Variants in NLN observed in about 807,000 individuals in gnomAD.
NLN encodes neurolysin, mitochondrial.
Under a neutral mutation model 79.9 loss-of-function variants are expected in NLN, and 64 were observed. That is an observed-to-expected ratio of 0.80 (90% CI 0.65 to 0.99). The LOEUF (loss-of-function observed/expected upper bound fraction) is 0.99. Ranked by LOEUF, NLN falls within the 50% of genes least tolerant of loss-of-function variation. NLN has a pLI of 0.00. For missense variants in NLN, 835 were observed against 858.7 expected, an observed-to-expected ratio of 0.97 and a Z score of 0.34; for synonymous variants, 267 against 296.6, an observed-to-expected ratio of 0.90 and a Z score of 1.02.
Position 65,781,291 on chromosome 5 carries a change from T to G in NLN, c.692T>G (p.Leu231Ter). 1 of 1,609,284 alleles carries G rather than the reference T, an allele frequency of 6.2e-7. No individual in the cohort carries two copies. Among genetic ancestry groups the G allele is most frequent in the Non-Finnish European group, 8.5e-7 (1 of 1,176,894 alleles). Residue 231 changes from leucine (L) to a stop codon, truncating the protein, a stop_gained, in exon 6 of 13, where the codon TTA (leucine) becomes TGA (stop). Coordinates refer to ENST00000380985, the MANE Select transcript of NLN (RefSeq NM_020726.5). LOFTEE classifies it high-confidence loss of function. Reference sequence around the variant, plus strand: ...CTTCCTGATGATTTCATTGACAGTTTAGAAAAGACAGATGATGACAAGTAT... The same window carrying G: ...CTTCCTGATGATTTCATTGACAGTTGAGAAAAGACAGATGATGACAAGTAT... Reference protein sequence around the residue: ...GALPDDFIDSLEKTDDDKYKI... With the variant: ...GALPDDFIDS
chr5:65,740,256 C>T (rs923865015), intron 1 of NLN, among the ~76,000 whole-genome samples: 3 of 152,170 alleles, frequency 2.0e-5, no homozygotes, highest in Non-Finnish European at 2.9e-5. Flanking sequence ...TGTGTCATAA[C>T]ATGGTGGAGG....
chr5:65,790,321 G>A (rs1760027267), intron 8 of NLN, among the ~76,000 whole-genome samples: 1 of 152,164 alleles, frequency 6.6e-6, no homozygotes, highest in African/African-American at 2.4e-5. Flanking sequence ...GCACCTAAGT[G>A]ATTATCCTGG....
At chr5:65,739,520 A>C (rs966884623) in intron 1 of NLN, among the ~76,000 whole-genome samples, 6 of 152,136 alleles carry the variant, frequency 3.9e-5, no homozygotes, top group Non-Finnish European at 8.8e-5. Context: ...TTTTTTAAAG[A>C]TATATTCCCA....
At chr5:65,726,111 CAA>C (rs60073030) in intron 1 of NLN, among the ~76,000 whole-genome samples, 3,759 of 120,920 alleles carry the variant, frequency 0.031, 145 homozygotes, top group African/African-American at 0.1. Flanking sequence ...GACTCCGTCT[CAA>C]AAAAAAAAAA....
At chr5:65,813,810 C>A (rs924941687) in intron 12 of NLN, among the ~76,000 whole-genome samples, 2 of 151,914 alleles carry the variant, frequency 1.3e-5, no homozygotes, top group African/African-American at 4.8e-5. Flanking sequence ...AGCCTATAGC[C>A]CCAGCTACTC....
chr5:65,763,454 GT>G (rs1409552520), intron 3 of NLN, among the ~76,000 whole-genome samples: 3 of 152,146 alleles, frequency 2.0e-5, no homozygotes, highest in African/African-American at 7.2e-5. Context: ...ATATCTCGTG[GT>G]TTTGGAACCA....
At chr5:65,722,635 C>G in intron 1 of NLN, 1 of 531,102 alleles carries the variant, frequency 1.9e-6, no homozygotes, top group Non-Finnish European at 3.3e-6. Context: ...GTCCATTCCT[C>G]TTTGTTTGGG....
At chr5:65,777,685 A>C (rs1366783187) in intron 4 of NLN, 151 bp downstream of exon 4, 1 of 602,170 alleles carries the variant, frequency 1.7e-6, no homozygotes, top group Non-Finnish European at 2.9e-6. Context: ...TGCTCATTGG[A>C]GCATTTCAGG....
chr5:65,774,219 A>T (rs1451653802), intron 3 of NLN, among the ~76,000 whole-genome samples: 1 of 152,160 alleles, frequency 6.6e-6, no homozygotes, highest in Non-Finnish European at 1.5e-5. Flanking sequence ...TCTTTGTTAC[A>T]GGAGGAAGTT....
intron 1 of NLN, among the ~76,000 whole-genome samples, chr5:65,727,910 G>C (rs1262307875): frequency 6.6e-6 from 1 of 152,112 alleles, no homozygotes; most frequent in Non-Finnish European, 1.5e-5. Context: ...GGGATTACAG[G>C]TCCCCACAAC....
At chr5:65,805,582 G>A (rs1450589001) in intron 9 of NLN, among the ~76,000 whole-genome samples, 4 of 152,230 alleles carry the variant, frequency 2.6e-5, no homozygotes, top group Admixed American at 2.0e-4. Context: ...TGAGAGAAGT[G>A]AGGAAGCTGC....
chr5:65,815,547 TC>T (rs1760651347), intron 12 of NLN, among the ~76,000 whole-genome samples: 1 of 152,190 alleles, frequency 6.6e-6, no homozygotes, highest in South Asian at 2.1e-4. Context: ...TGGTGTTAAT[TC>T]CTTCCTTTAC....
At position 65,792,897 on chromosome 5, in the gene NLN, A is replaced by C. The variant is rs778100814; in HGVS notation, c.1527+242A>C. 223 of 551,254 alleles carry C rather than the reference A, an allele frequency of 4.0e-4. 1 individual carries two copies. Among genetic ancestry groups the C allele is most frequent in the Non-Finnish European group, 1.7e-4 (50 of 295,712 alleles). The allele number at this position is 551,254 out of a possible 1,614,324, so 34.1% of individuals were successfully genotyped here. A position where few individuals can be genotyped will look rare whatever the true frequency, so the allele number is the denominator to read the frequency against. ...AATAACAGCCTATGGAAAAAGAATA[A>C]GACTATCTGTAAGGAAAGGTTACAA... On this transcript the variant is annotated intron_variant, in intron 9 of 12. Coordinates refer to ENST00000380985, the MANE Select transcript of NLN (RefSeq NM_020726.5).
At chr5:65,778,286 C>T (rs1759724098) in intron 4 of NLN, among the ~76,000 whole-genome samples, 1 of 152,176 alleles carries the variant, frequency 6.6e-6, no homozygotes, top group Non-Finnish European at 1.5e-5. Context: ...CCAGAATTAA[C>T]CTTTTTCTTC....
chr5:65,783,304 A>G (rs1175762132), intron 6 of NLN, among the ~76,000 whole-genome samples: 1 of 152,048 alleles, frequency 6.6e-6, no homozygotes, highest in South Asian at 2.1e-4. Context: ...ATTTTTTTTT[A>G]AAAGATTTGT....
intron 4 of NLN, among the ~76,000 whole-genome samples, chr5:65,779,326 T>C (rs1759748335): frequency 6.6e-6 from 1 of 152,168 alleles, no homozygotes; most frequent in Non-Finnish European, 1.5e-5. Flanking sequence ...TATGTAACAT[T>C]GTTAGAAGAA....
chr5:65,769,296 CA>C (rs1202625385), intron 3 of NLN, among the ~76,000 whole-genome samples: 1 of 151,954 alleles, frequency 6.6e-6, no homozygotes, highest in Admixed American at 6.6e-5. Flanking sequence ...TAATGGGAAC[CA>C]AAAGGAAAAA....
At chr5:65,748,692 G>A (rs1413984744) in intron 1 of NLN, among the ~76,000 whole-genome samples, 1 of 151,914 alleles carries the variant, frequency 6.6e-6, no homozygotes, top group Non-Finnish European at 1.5e-5. Flanking sequence ...AGTTGAGGCT[G>A]CAATGAGTTA....
At chr5:65,753,142 T>G (rs1465822469) in intron 1 of NLN, among the ~76,000 whole-genome samples, 1 of 152,234 alleles carries the variant, frequency 6.6e-6, no homozygotes, top group East Asian at 1.9e-4. Flanking sequence ...CTAATTAACC[T>G]GGTTTGATAA....
Sources: gnomAD v4.1 joint callset for allele counts (sites outside exome capture counted in the v4.1 genomes callset) on GRCh38, gnomAD v4.1.1 for gene constraint, MANE v1.5 for transcripts, NCBI Gene and HGNC (gene_info 2026-07-23, HGNC 2026-07-21) for gene names.